The following C19orf47 variants were observed in gnomAD, a reference collection of about 807,000 sequenced individuals.
The protein encoded by C19orf47 is chromosome 19 open reading frame 47.
In C19orf47, 18 loss-of-function variants were observed where a neutral mutation model predicts 32.3. The ratio of observed to expected loss-of-function variants is 0.56; its 90% CI spans 0.39 to 0.83. C19orf47 has a LOEUF of 0.83. Among genes scored for constraint, C19orf47 ranks in the 40% least tolerant of loss-of-function variants. The probability of loss-of-function intolerance (pLI) is 0.00; values close to 1 mark genes in which losing one functional copy is unlikely to be tolerated. For missense variants in C19orf47, 484 were observed against 531.6 expected, an observed-to-expected ratio of 0.91 and a Z score of 0.88; for synonymous variants, 202 against 211.1, an observed-to-expected ratio of 0.96 and a Z score of 0.37.
chr19:40,321,871 CCACAGG>C lies in C19orf47; in HGVS notation c.*5_*10del. On this transcript the variant is annotated 3_prime_UTR_variant, in exon 9 of 9. Transcript: ENST00000683109. ...GCAGGCTCTGCTGCCTGCACCCCGC[CCACAGG>C]TGGGCTAGAAGGTCCTGCGGCCCAG... 6.4e-7 allele frequency: 1 copy of C among 1,560,262 alleles called. No homozygotes were observed. Among genetic ancestry groups the C allele is most frequent in the Non-Finnish European group, 8.7e-7 (1 of 1,154,226 alleles).
At chr19:40,300,760 A>G in the C19orf47 span, among the ~76,000 whole-genome samples, 5 of 152,210 alleles carry the variant, frequency 3.3e-5, no homozygotes, top group African/African-American at 1.2e-4. Context: ...AATGACTCTG[A>G]CAAGTAGTCT....
chr19:40,344,682 C>T (rs569906088), intron 1 of C19orf47, among the ~76,000 whole-genome samples: 2 of 152,126 alleles, frequency 1.3e-5, no homozygotes, highest in East Asian at 1.9e-4. Context: ...TGAAAAACCC[C>T]GACTCATTGA....
intron 2 of C19orf47, among the ~76,000 whole-genome samples, chr19:40,338,755 C>T (rs1232027048): frequency 2.6e-5 from 4 of 151,888 alleles, no homozygotes; most frequent in Non-Finnish European, 5.9e-5. Flanking sequence ...TGGACTCAAG[C>T]GATCCACCTG....
At chr19:40,309,161 A>G in the C19orf47 span, among the ~76,000 whole-genome samples, 1 of 151,976 alleles carries the variant, frequency 6.6e-6, no homozygotes, top group Non-Finnish European at 1.5e-5. Flanking sequence ...AGGTTCAGCT[A>G]CATAATCAGC....
chr19:40,336,435 C>T (rs1600203172), intron 2 of C19orf47, 28 bp from the exon 3 acceptor site: 1 of 1,580,396 alleles, frequency 6.3e-7, no homozygotes, highest in Non-Finnish European at 8.7e-7. Flanking sequence ...GCTCATTACT[C>T]ACACTGTCCT....
intron 2 of C19orf47, among the ~76,000 whole-genome samples, chr19:40,340,118 T>G (rs1268635834): frequency 2.0e-5 from 3 of 151,966 alleles, no homozygotes; most frequent in Admixed American, 2.0e-4. Context: ...TATTCTCTTT[T>G]TTTTGACCTG....
chr19:40,327,241 T>C (rs2077851272), intron 6 of C19orf47, among the ~76,000 whole-genome samples: 1 of 151,948 alleles, frequency 6.6e-6, no homozygotes. Context: ...CTTGAACTCC[T>C]GACCTCAGGT....
chr19:40,342,015 T>C (rs767648409), intron 1 of C19orf47, 125 bp from the exon 2 acceptor site: 35 of 1,494,288 alleles, frequency 2.3e-5, no homozygotes, highest in Non-Finnish European at 3.0e-5. Flanking sequence ...CGCCCAGGAA[T>C]AGCCTGGAGC....
the C19orf47 span, among the ~76,000 whole-genome samples, chr19:40,293,662 C>T: frequency 6.6e-6 from 1 of 151,416 alleles, no homozygotes; most frequent in Non-Finnish European, 1.5e-5. Flanking sequence ...GACGGGGTTT[C>T]ACCATGTTGA....
intron 5 of C19orf47, 85 bp downstream of exon 5, chr19:40,333,766 G>T: frequency 8.9e-7 from 1 of 1,118,016 alleles, no homozygotes; most frequent in Non-Finnish European, 1.2e-6. Flanking sequence ...GAAAATTACA[G>T]GCGGGGATGG....
At chr19:40,346,595 C>T (rs759310738) in intron 1 of C19orf47, among the ~76,000 whole-genome samples, 1 of 147,134 alleles carries the variant, frequency 6.8e-6, no homozygotes, top group East Asian at 2.0e-4. Context: ...GGCGTGATCT[C>T]GTCTCACTGC....
At chr19:40,343,546 C>A (rs2078217949) in intron 1 of C19orf47, 1 of 152,236 alleles carries the variant, frequency 6.6e-6, no homozygotes, top group East Asian at 1.9e-4. Flanking sequence ...TTGGTGCCTA[C>A]TAAGCACCCT....
intron 2 of C19orf47, among the ~76,000 whole-genome samples, chr19:40,337,232 A>C (rs575049160): frequency 1.3e-5 from 2 of 151,918 alleles, no homozygotes; most frequent in Non-Finnish European, 2.9e-5. Context: ...GAGAACCTCC[A>C]TATAAAAGGC....
chr19:40,298,207 G>A, the C19orf47 span, among the ~76,000 whole-genome samples: 2 of 149,372 alleles, frequency 1.3e-5, no homozygotes, highest in East Asian at 2.0e-4. Context: ...AACAACAATC[G>A]TGCTTTATGC....
In C19orf47 at chr19:40,323,986, GCTCCCC is replaced by G; in HGVS notation, c.663+14_663+19del. 6.2e-7 allele frequency: 1 copy of G among 1,613,926 alleles called. No individual in the cohort carries two copies. On this transcript the variant is annotated intron_variant, in intron 8 of 8. Coordinates refer to ENST00000683109, the MANE Select transcript of C19orf47 (RefSeq NM_001256441.2). Reference sequence around the variant, plus strand: ...GACAACAGCTCGCACGCCCAGAATCGCTCCCCCATCCCCACTCACTTTACTCCCTGT... The same window carrying G: ...GACAACAGCTCGCACGCCCAGAATCGCATCCCCACTCACTTTACTCCCTGT...
At chr19:40,340,211 T>C (rs1187789771) in intron 2 of C19orf47, among the ~76,000 whole-genome samples, 1 of 151,156 alleles carries the variant, frequency 6.6e-6, no homozygotes, top group Non-Finnish European at 1.5e-5. Context: ...CAATAGATCT[T>C]CCTAAACCAG....
the C19orf47 span, among the ~76,000 whole-genome samples, chr19:40,294,095 G>C: frequency 7.2e-5 from 11 of 152,092 alleles, no homozygotes; most frequent in African/African-American, 2.4e-4. Context: ...ACTCCAGCCT[G>C]GGCGACAGAG....
At chr19:40,338,795 G>A (rs2078121062) in intron 2 of C19orf47, among the ~76,000 whole-genome samples, 1 of 152,166 alleles carries the variant, frequency 6.6e-6, no homozygotes, top group South Asian at 2.1e-4. Flanking sequence ...TGGGATTACA[G>A]GCATGCACCA....
the C19orf47 span, among the ~76,000 whole-genome samples, chr19:40,308,473 T>C: frequency 6.8e-6 from 1 of 147,508 alleles, no homozygotes; most frequent in Non-Finnish European, 1.5e-5. Flanking sequence ...AACTTTTTTT[T>C]TTTTTTTTGA....
Sources: allele counts gnomAD v4.1 joint callset (sites outside exome capture counted in the v4.1 genomes callset), GRCh38; gene constraint gnomAD v4.1.1; transcripts MANE v1.5; gene names NCBI Gene and HGNC (gene_info 2026-07-23, HGNC 2026-07-21).